The following MCUB variants were observed in gnomAD, a reference collection of about 807,000 sequenced individuals.
MCUB encodes the protein calcium uniporter regulatory subunit MCUb, mitochondrial.
Under a neutral mutation model 41.4 loss-of-function variants are expected in MCUB, and 46 were observed. That is an observed-to-expected ratio of 1.11 (90% confidence interval 0.88 to 1.42). MCUB has a LOEUF of 1.42. Ranked by LOEUF, MCUB falls within the 40% of genes most tolerant of loss-of-function variation. The pLI is 0.00. For synonymous variants in MCUB, 148 were observed against 148.2 expected (o/e 1.00, Z 0.01); for missense variants, 403 against 404.9 (o/e 1.00, Z 0.04).
At chr4:109,606,816 G>C (rs1428460109) in intron 1 of MCUB, among the ~76,000 whole-genome samples, 1 of 152,028 alleles carries the variant, frequency 6.6e-6, no homozygotes, top group Admixed American at 6.5e-5. Context: ...GCGCGATCTC[G>C]GCTCACTGCA....
intron 1 of MCUB, among the ~76,000 whole-genome samples, chr4:109,629,128 T>C (rs145015235): frequency 4.5e-4 from 68 of 152,326 alleles, no homozygotes; most frequent in African/African-American, 1.5e-3. Context: ...TCTTTTATTT[T>C]TTCTAATTTT....
At chr4:109,647,024 A>C (rs1413019365) in intron 1 of MCUB, among the ~76,000 whole-genome samples, 2 of 152,198 alleles carry the variant, frequency 1.3e-5, no homozygotes, top group East Asian at 3.8e-4. Context: ...GTTTTTTAAT[A>C]GACCATTTTT....
At chr4:109,640,960 T>G (rs1728699976) in intron 1 of MCUB, among the ~76,000 whole-genome samples, 1 of 152,222 alleles carries the variant, frequency 6.6e-6, no homozygotes, top group African/African-American at 2.4e-5. Context: ...AAGTAAGAGA[T>G]ATGCCACTCT....
At chr4:109,597,419 C>T (rs1727588775) in intron 1 of MCUB, among the ~76,000 whole-genome samples, 4 of 144,732 alleles carry the variant, frequency 2.8e-5, no homozygotes, top group Non-Finnish European at 3.1e-5. Flanking sequence ...GGCTGACCCC[C>T]CCACCTCCCT....
chr4:109,650,209 C>G (rs938883486), intron 1 of MCUB, among the ~76,000 whole-genome samples: 1 of 152,086 alleles, frequency 6.6e-6, no homozygotes, highest in Admixed American at 6.6e-5. Context: ...AATAATAACC[C>G]TCTAAAAAGG....
At chr4:109,593,028 A>G (rs1351766642) in intron 1 of MCUB, among the ~76,000 whole-genome samples, 1 of 152,220 alleles carries the variant, frequency 6.6e-6, no homozygotes, top group African/African-American at 2.4e-5. Flanking sequence ...AGTTATTTCT[A>G]GATAACAGAC....
intron 1 of MCUB, among the ~76,000 whole-genome samples, chr4:109,606,815 C>T (rs551814540): frequency 9.2e-5 from 14 of 151,420 alleles, no homozygotes; most frequent in East Asian, 2.0e-4. Context: ...GGCGCGATCT[C>T]GGCTCACTGC....
At chr4:109,636,297 G>A (rs1728587480) in intron 1 of MCUB, among the ~76,000 whole-genome samples, 1 of 152,176 alleles carries the variant, frequency 6.6e-6, no homozygotes, top group African/African-American at 2.4e-5. Flanking sequence ...CAAATTAGAT[G>A]CACAAGGAGA....
At chr4:109,586,829 C>T (rs755881126) in intron 1 of MCUB, among the ~76,000 whole-genome samples, 1 of 152,176 alleles carries the variant, frequency 6.6e-6, no homozygotes, top group Non-Finnish European at 1.5e-5. Context: ...CCTCTGGAAG[C>T]TTTGCCCCAG....
At chr4:109,569,769 C>G (rs978271921) in intron 1 of MCUB, among the ~76,000 whole-genome samples, 14 of 152,102 alleles carry the variant, frequency 9.2e-5, no homozygotes, top group African/African-American at 3.4e-4. Context: ...TCCCAAAGTG[C>G]TGGGATTACA....
At chr4:109,573,023 G>A (rs1726949510) in intron 1 of MCUB, among the ~76,000 whole-genome samples, 1 of 152,108 alleles carries the variant, frequency 6.6e-6, no homozygotes, top group African/African-American at 2.4e-5. Context: ...CTGTACCTGT[G>A]CCCAGCAATG....
At chr4:109,608,730 G>T (rs1407078937) in intron 1 of MCUB, among the ~76,000 whole-genome samples, 2 of 151,958 alleles carry the variant, frequency 1.3e-5, no homozygotes, top group Non-Finnish European at 2.9e-5. Flanking sequence ...CAAACTCCTG[G>T]GCTCAAGCAG....
intron 5 of MCUB, among the ~76,000 whole-genome samples, chr4:109,684,084 G>A (rs1303695014): frequency 1.4e-5 from 2 of 139,818 alleles, no homozygotes; most frequent in African/African-American, 5.4e-5. Flanking sequence ...TTTTTTTGAC[G>A]CAGAGTCTTG....
chr4:109,617,907 T>C (rs949381409), intron 1 of MCUB, among the ~76,000 whole-genome samples: 1 of 152,258 alleles, frequency 6.6e-6, no homozygotes, highest in Non-Finnish European at 1.5e-5. Flanking sequence ...AGAATAAGAG[T>C]AGCTTCTCTT....
intron 4 of MCUB, among the ~76,000 whole-genome samples, chr4:109,680,968 G>A (rs1293320325): frequency 6.6e-6 from 1 of 152,192 alleles, no homozygotes; most frequent in Non-Finnish European, 1.5e-5. Flanking sequence ...CATGGAGGAG[G>A]TGGGATGAGG....
chr4:109,576,580 G>C (rs1216372626), intron 1 of MCUB, among the ~76,000 whole-genome samples: 1 of 141,384 alleles, frequency 7.1e-6, no homozygotes, highest in Non-Finnish European at 1.5e-5. Flanking sequence ...AAAGCGTAAA[G>C]CATGGCATGA....
At chr4:109,575,286 A>C (rs1483922045) in intron 1 of MCUB, among the ~76,000 whole-genome samples, 1 of 152,234 alleles carries the variant, frequency 6.6e-6, no homozygotes, top group African/African-American at 2.4e-5. Flanking sequence ...TGGCTTATTT[A>C]TAGTGTAATA....
chr4:109,649,102 C>T (rs1384797724), intron 1 of MCUB, among the ~76,000 whole-genome samples: 2 of 152,134 alleles, frequency 1.3e-5, no homozygotes, highest in African/African-American at 2.4e-5. Flanking sequence ...TCAATGAAAG[C>T]CTATGAGTAG....
intron 1 of MCUB, among the ~76,000 whole-genome samples, chr4:109,614,561 C>T (rs1728086254): frequency 6.6e-6 from 1 of 151,414 alleles, no homozygotes; most frequent in African/African-American, 2.4e-5. Context: ...CCCTAATGAA[C>T]TTCCAAGCCT....
Sources: gnomAD v4.1 joint callset for allele counts (sites outside exome capture counted in the v4.1 genomes callset) on GRCh38, gnomAD v4.1.1 for gene constraint, MANE v1.5 for transcripts, NCBI Gene and HGNC (gene_info 2026-07-23, HGNC 2026-07-21) for gene names.